The following FER1L5 variants were observed in gnomAD, a reference collection of about 807,000 sequenced individuals.
FER1L5 encodes the protein fer-1 like family member 5, also known as fer-1-like protein 5.
A neutral mutation model predicts 279.9 loss-of-function variants in FER1L5; 187 were observed. The observed-to-expected ratio is 0.67, with a 90% CI of 0.59 to 0.75. The LOEUF (loss-of-function observed/expected upper bound fraction) is 0.75, where lower values mean the gene tolerates loss of function less well. FER1L5 is among the 30% of genes least tolerant of loss of function. The pLI is 0.00. For missense variants in FER1L5, 2,091 were observed against 2,594.4 expected (o/e 0.81, Z 4.21); for synonymous variants, 921 against 989.7 (o/e 0.93, Z 1.30).
In FER1L5 at chr2:96,694,597, G is replaced by A. The variant is rs2077291740; in HGVS notation, c.3741+133G>A. The A allele has an allele frequency of 6.2e-6, 4 of 649,732 alleles. No individual in the cohort carries two copies. The East Asian group carries it at 1.2e-4, about 20-fold the overall frequency. 40.2% of individuals were successfully genotyped at this position (649,732 alleles called of 1,614,324 possible). Reference sequence around the variant, plus strand: ...CCCCGAAAAAGACTACCTGGGAGGTGGAGGGAGACAGGAGAGAAACGAAGA... The same window carrying A: ...CCCCGAAAAAGACTACCTGGGAGGTAGAGGGAGACAGGAGAGAAACGAAGA... On this transcript the variant is annotated intron_variant, in intron 34 of 52. Transcript: ENST00000624922. The surrounding 1 kb of genome is among the most constrained non-coding windows in gnomAD (Gnocchi z 4.6).
intron 7 of FER1L5, chr2:96,652,331 T>A (rs1467392080): frequency 5.9e-6 from 2 of 339,060 alleles, no homozygotes; most frequent in African/African-American, 4.1e-5. Flanking sequence ...CCAGACCATG[T>A]ATGTCTCATT....
intron 14 of FER1L5, among the ~76,000 whole-genome samples, chr2:96,667,488 C>T (rs1019954697): frequency 5.9e-5 from 9 of 151,952 alleles, no homozygotes; most frequent in Non-Finnish European, 1.3e-4. Context: ...GCTGGGATTA[C>T]AGGCATGCGC....
chr2:96,659,421 CTT>C (rs1371070214), intron 9 of FER1L5, among the ~76,000 whole-genome samples: 1 of 8,520 alleles, frequency 1.2e-4, no homozygotes, highest in Non-Finnish European at 1.9e-4. Context: ...TTCTTTCTTT[CTT>C]TCTTTCTTTC....
chr2:96,702,759 T>C lies in FER1L5; in HGVS notation c.5397+18T>C. The C allele has an allele frequency of 6.2e-7, 1 of 1,611,238 alleles. No individual in the cohort carries two copies. The highest frequency in any genetic ancestry group is 2.2e-5 in the East Asian group (1 of 44,788). ...GCCAGAAGGTAACAGGCCTGGGGCG[T>C]GAGGGGCAACAGGCCACAACAAACA... On this transcript the variant is annotated intron_variant, in intron 48 of 52. Coordinates refer to ENST00000624922, the MANE Select transcript of FER1L5 (RefSeq NM_001293083.2). The surrounding 1 kb of genome is among the most constrained non-coding windows in gnomAD (Gnocchi z 4.0).
chr2:96,691,567 C>A lies in FER1L5; in HGVS notation c.3030C>A (p.Asn1010Lys), dbSNP rs776067520. The A allele has an allele frequency of 1.3e-6, 2 of 1,548,208 alleles. No homozygotes were observed. The highest frequency in any genetic ancestry group is 1.2e-5 in the South Asian group (1 of 83,580). ...GCTGGCGCCGCAGGCTGGCCCCCAA[C>A]AAGGACAAGGGCATCGCGCCCATAT... ...RRCWRRRLAP[N>K]KDKGIAPIFL... Residue 1010 changes from asparagine (N) to lysine (K), a missense_variant, in exon 29 of 53, where the codon AAC (asparagine) becomes AAA (lysine). Physicochemically the swap from Asn to Lys is moderately conservative, Grantham distance 94. Coordinates refer to ENST00000624922, the MANE Select transcript of FER1L5 (RefSeq NM_001293083.2). This position sits in a 1 kb window ranked among gnomAD's most constrained non-coding sequence, Gnocchi z 6.0.
Position 96,691,893 on chromosome 2 carries a change from ACAGTT to A in FER1L5, c.3148_3152del (p.Phe1050GlyfsTer21). On this transcript the variant is annotated frameshift_variant, in exon 30 of 53. Coordinates refer to ENST00000624922, the MANE Select transcript of FER1L5 (RefSeq NM_001293083.2). LOFTEE classifies it high-confidence loss of function. This position sits in a 1 kb window ranked among gnomAD's most constrained non-coding sequence, Gnocchi z 6.0. The stretch of plus-strand genomic sequence containing the variant: ...AGACATGGCCATGGGGTCTGGACAG[ACAGTT>A]CAGGGACCCCCAGAGGCAGGACACC... 6.4e-7 allele frequency: 1 copy of A among 1,551,414 alleles called. No individual in the cohort carries two copies. The highest frequency in any genetic ancestry group is 8.7e-7 in the Non-Finnish European group (1 of 1,146,964).
At chr2:96,670,031 C>T (rs1322319748) in intron 17 of FER1L5, 88 bp from the exon 18 acceptor site, 1 of 1,518,540 alleles carries the variant, frequency 6.6e-7, no homozygotes, top group Non-Finnish European at 8.9e-7. Flanking sequence ...GACTGGACAA[C>T]CTTGTCTTTG....
At position 96,668,879 on chromosome 2, in the gene FER1L5, T is replaced by A; in HGVS notation, c.1185-7T>A. 6.4e-7 allele frequency: 1 copy of A among 1,551,464 alleles called. No homozygotes were observed. The highest frequency in any genetic ancestry group is 8.7e-7 in the Non-Finnish European group (1 of 1,146,936). On this transcript the variant is annotated splice_polypyrimidine_tract_variant and splice_region_variant and intron_variant, in intron 15 of 52. Transcript: ENST00000624922. ...GGGCTCAGCCTGAGGAGTGTGTTTCTCTCTAGCCGCAAGAAGGACTGCCCG... is the reference window on the plus strand; with the variant it reads ...GGGCTCAGCCTGAGGAGTGTGTTTCACTCTAGCCGCAAGAAGGACTGCCCG...
chr2:96,651,237 CTCTTTCTTTCTTTCTT>C (rs70964882), intron 6 of FER1L5, among the ~76,000 whole-genome samples: 5,974 of 128,576 alleles, frequency 0.046, 170 homozygotes, highest in South Asian at 0.05. Context: ...TTCTTTCTTT[CTCTTTCTTTCTTTCTT>C]TCTTTCTTTC....
chr2:96,688,948 C>T (rs1020213000), intron 24 of FER1L5: 12 of 396,354 alleles, frequency 3.0e-5, no homozygotes, highest in Middle Eastern at 6.9e-4. Context: ...ACCTCTGTGC[C>T]TCCAAGCACT....
chr2:96,684,058 T>C (rs2076831743), intron 19 of FER1L5, among the ~76,000 whole-genome samples: 1 of 152,184 alleles, frequency 6.6e-6, no homozygotes, highest in Admixed American at 6.5e-5. Flanking sequence ...TCAGGGAAAC[T>C]GCTTCCCATT....
intron 27 of FER1L5, 41 bp downstream of exon 27, chr2:96,690,630 G>A: frequency 6.6e-7 from 1 of 1,518,952 alleles, no homozygotes; most frequent in African/African-American, 1.4e-5. Context: ...AGAGACCAGG[G>A]CCTCAAAATA....
At position 96,694,273 on chromosome 2, in the gene FER1L5, G is replaced by A. The variant is rs949760856; in HGVS notation, c.3637-87G>A. 2.0e-5 allele frequency: 27 copies of A among 1,372,256 alleles called. No individual in the cohort carries two copies. Among genetic ancestry groups the A allele is most frequent in the Admixed American group, 7.7e-5 (3 of 38,840 alleles). 85.0% of individuals were successfully genotyped at this position (1,372,256 alleles called of 1,614,324 possible). On this transcript the variant is annotated intron_variant, in intron 33 of 52. Coordinates refer to ENST00000624922, the MANE Select transcript of FER1L5 (RefSeq NM_001293083.2). The surrounding 1 kb of genome is among the most constrained non-coding windows in gnomAD (Gnocchi z 4.6). The stretch of plus-strand genomic sequence containing the variant: ...CCCCTACCCATGGGGCTCTGGGCTC[G>A]GTGAGGCCTCTGAGGGACCTGCTTG...
intron 9 of FER1L5, 77 bp from the exon 10 acceptor site, chr2:96,660,264 G>A: frequency 1.4e-6 from 2 of 1,475,920 alleles, no homozygotes; most frequent in Non-Finnish European, 9.3e-7. Context: ...ACAGCTAGCA[G>A]TTGGGTCAGG....
At chr2:96,654,669 G>A in intron 9 of FER1L5, 173 bp downstream of exon 9, 1 of 356,772 alleles carries the variant, frequency 2.8e-6, no homozygotes, top group Non-Finnish European at 5.0e-6. Flanking sequence ...GGAGGCCGAG[G>A]CCGGTGGATC....
rs763522932 is a variant in FER1L5 at position 96,702,669 on chromosome 2, C to T, written c.5325C>T (p.Ala1775=). 85 of 1,610,798 alleles carry T rather than the reference C, an allele frequency of 5.3e-5. No individual in the cohort carries two copies. Among genetic ancestry groups the T allele is most frequent in the Non-Finnish European group, 7.0e-5 (82 of 1,178,584 alleles). The change falls in exon 48 of 53, where the codon GCC becomes GCT. Residue 1775 remains alanine (A), a synonymous_variant. Transcript: ENST00000624922. This position sits in a 1 kb window ranked among gnomAD's most constrained non-coding sequence, Gnocchi z 4.0. ...DIHYHSLTGE[A]DFNWRFIFTM... is the part of the protein sequence containing the mutation. ...ACTACCACTCGCTGACTGGGGAGGC[C>T]GACTTCAACTGGCGGTTCATCTTTA...
chr2:96,670,046 A>G (rs1224458871), intron 17 of FER1L5, 73 bp from the exon 18 acceptor site: 3 of 1,538,254 alleles, frequency 2.0e-6, no homozygotes, highest in South Asian at 1.2e-5. Context: ...TCTTTGCCTC[A>G]GGGGTTTCAA....
intron 19 of FER1L5, among the ~76,000 whole-genome samples, chr2:96,683,815 G>C (rs1284981195): frequency 6.6e-6 from 1 of 152,224 alleles, no homozygotes; most frequent in East Asian, 1.9e-4. Context: ...CGGCAGCAGT[G>C]CGGTTCAGAA....
chr2:96,673,643 C>A (rs968726380), intron 19 of FER1L5, among the ~76,000 whole-genome samples: 1 of 152,184 alleles, frequency 6.6e-6, no homozygotes, highest in Non-Finnish European at 1.5e-5. Context: ...AACATCCAAC[C>A]AACTACCCCT....
Sources: gnomAD v4.1 joint callset for allele counts (sites outside exome capture counted in the v4.1 genomes callset) on GRCh38, gnomAD v4.1.1 for gene constraint, Gnocchi (gnomAD v3.1) non-coding constraint, MANE v1.5 for transcripts, NCBI Gene and HGNC (gene_info 2026-07-23, HGNC 2026-07-21) for gene names.